The following OLFM1 variants were observed in gnomAD, a reference collection of about 807,000 sequenced individuals.
OLFM1 encodes noelin.
In OLFM1, 9 loss-of-function variants were observed where a neutral mutation model predicts 49.7. The observed-to-expected ratio is 0.18, with a 90% confidence interval of 0.11 to 0.32. The LOEUF is 0.32. OLFM1 is among the 10% of genes least tolerant of loss of function. OLFM1 has a pLI of 1.00. For missense variants in OLFM1, 369 were observed against 661.8 expected (o/e 0.56, Z 4.85); for synonymous variants, 240 against 271.8 (o/e 0.88, Z 1.15).
chr9:135,107,859 C>T (rs556796532), intron 5 of OLFM1, among the ~76,000 whole-genome samples: 1 of 152,218 alleles, frequency 6.6e-6, no homozygotes, highest in Non-Finnish European at 1.5e-5. Context: ...GCTCTCTCCC[C>T]TCTGATTTCT....
chr9:135,084,322 TTCTCTCTCTGTCTCTCATC>T (rs1321407084), upstream of OLFM1, among the ~76,000 whole-genome samples: 7 of 148,294 alleles, frequency 4.7e-5, no homozygotes, highest in East Asian at 1.9e-4. The surrounding 1 kb of genome is among the most constrained non-coding windows in gnomAD (Gnocchi z 4.6). Context: ...TCTCTCTCTC[TTCTCTCTCTGTCTCTCATC>T]TCTCTCTCTG....
At chr9:135,086,961 T>G (rs572732), upstream of OLFM1, among the ~76,000 whole-genome samples, 129,194 of 152,152 alleles carry the variant, frequency 0.85, 55,162 homozygotes, top group Middle Eastern at 0.89. Context: ...GCCCCAGACC[T>G]TATGCAGCTC....
At chr9:135,086,252 A>T (rs1830595014), upstream of OLFM1, among the ~76,000 whole-genome samples, 1 of 152,218 alleles carries the variant, frequency 6.6e-6, no homozygotes, top group African/African-American at 2.4e-5. Flanking sequence ...CCCTTCCCCA[A>T]CAGTTGGAAT....
chr9:135,090,260 G>A lies in OLFM1; in HGVS notation c.216G>A (p.Arg72=). ...VYSSAQDSEG[R]CICTVVAPQQ... is the part of the protein sequence containing the mutation. ...GCTCTGCCCAGGACAGCGAGGGCAG[G>A]TGTATCTGCACAGTGGTCGCTCCAC... The change falls in exon 2 of 6, where the codon AGG becomes AGA. Residue 72 remains arginine, a synonymous_variant. Transcript: ENST00000371793. 1.9e-6 allele frequency: 3 copies of A among 1,614,104 alleles called. No homozygotes were observed. The highest frequency in any genetic ancestry group is 2.5e-6 in the Non-Finnish European group (3 of 1,180,034).
intron 5 of OLFM1, among the ~76,000 whole-genome samples, chr9:135,107,439 G>C (rs996506654): frequency 6.6e-6 from 1 of 152,192 alleles, no homozygotes; most frequent in Admixed American, 6.5e-5. Context: ...GCCTTTATCT[G>C]GGGGGCTGGG....
intron 5 of OLFM1, among the ~76,000 whole-genome samples, chr9:135,112,375 C>G (rs1831035378): frequency 1.1e-5 from 1 of 94,664 alleles, no homozygotes; most frequent in South Asian, 2.8e-4. Flanking sequence ...CTCTGGTCTC[C>G]CCTTCCTATG....
At position 135,088,890 on chromosome 9, in the gene OLFM1, G is replaced by A. The variant is rs1022251597; in HGVS notation, c.150+751G>A. 6.6e-6 allele frequency among the ~76,000 whole-genome samples: 1 copy of A among 152,210 alleles called. No individual in the cohort carries two copies. The highest frequency in any genetic ancestry group is 2.4e-5 in the African/African-American group (1 of 41,456). Reference sequence around the variant, plus strand: ...GTCTCCCTCTCGAGCCTAGCGGGAGGGGAACCGTGGCCGGGGCTGCTTCTG... The same window carrying A: ...GTCTCCCTCTCGAGCCTAGCGGGAGAGGAACCGTGGCCGGGGCTGCTTCTG... On this transcript the variant is annotated intron_variant, in intron 1 of 5. Transcript: ENST00000371793. This position sits in a 1 kb window ranked among gnomAD's most constrained non-coding sequence, Gnocchi z 4.8.
At chr9:135,079,473 C>A (rs1830506894) in intron 1 of OLFM1, among the ~76,000 whole-genome samples, 1 of 152,140 alleles carries the variant, frequency 6.6e-6, no homozygotes, top group African/African-American at 2.4e-5. Context: ...GGCGTGGTGG[C>A]AGACGCCTAT....
chr9:135,086,269 G>T (rs932000846), upstream of OLFM1, among the ~76,000 whole-genome samples: 1 of 152,228 alleles, frequency 6.6e-6, no homozygotes, highest in Admixed American at 6.5e-5. Flanking sequence ...GAATTTCCTG[G>T]CATCCGACCC....
At chr9:135,090,775 A>G (rs660701) in intron 2 of OLFM1, among the ~76,000 whole-genome samples, 60,453 of 151,474 alleles carry the variant, frequency 0.4, 12,008 homozygotes, top group East Asian at 0.54. Flanking sequence ...GAGCGCCCAT[A>G]GGCCCAGGAA....
chr9:135,098,175 A>G lies in OLFM1; in HGVS notation c.457-111A>G, dbSNP rs908200481. 1.3e-5 allele frequency: 19 copies of G among 1,468,684 alleles called. No homozygotes were observed. The highest frequency in any genetic ancestry group is 1.4e-5 in the Non-Finnish European group (16 of 1,107,356). 91.0% of individuals were successfully genotyped at this position (1,468,684 alleles called of 1,614,324 possible). A position where few individuals can be genotyped will look rare whatever the true frequency, so the allele number is the denominator to read the frequency against. On this transcript the variant is annotated intron_variant, in intron 3 of 5. Coordinates refer to ENST00000371793, the MANE Select transcript of OLFM1 (RefSeq NM_001282611.2). This position sits in a 1 kb window ranked among gnomAD's most constrained non-coding sequence, Gnocchi z 5.6. The stretch of plus-strand genomic sequence containing the variant: ...TTGGACCAGAACAAATAAGCCTGTA[A>G]ATAAAGCGGGAATATACACACTTTC...
intron 2 of OLFM1, among the ~76,000 whole-genome samples, chr9:135,093,571 T>G (rs1322860224): frequency 6.6e-6 from 1 of 152,170 alleles, no homozygotes; most frequent in Non-Finnish European, 1.5e-5. Context: ...AGGCCAGGTG[T>G]GTCTTTGTGT....
chr9:135,075,945 G>A, intron 1 of OLFM1: 1 of 1,413,594 alleles, frequency 7.1e-7, no homozygotes, highest in African/African-American at 1.5e-5. Context: ...GTTGGGGAGG[G>A]GGCCAGGGCG....
At position 135,080,769 on chromosome 9, in the gene OLFM1, A is replaced by G. The variant is rs75709948; in HGVS notation, c.96+4967A>G. ...AAACTGAATTAGATACATGGCAACCACGAGCTAGGCTGACAGGGCGAGCAG... is the reference window on the plus strand; with the variant it reads ...AAACTGAATTAGATACATGGCAACCGCGAGCTAGGCTGACAGGGCGAGCAG... On this transcript the variant is annotated intron_variant, in intron 1 of 5. Coordinates refer to the OLFM1 transcript ENST00000252854. This position sits in a 1 kb window ranked among gnomAD's most constrained non-coding sequence, Gnocchi z 4.5. Among the ~76,000 whole-genome samples, 340 of 152,302 alleles carry G rather than the reference A, an allele frequency of 2.2e-3. 13 individuals are homozygous for G. The South Asian group carries it at 0.047, about 21-fold the overall frequency.
chr9:135,083,673 CAGTGGCTCA>C (rs1242164119), upstream of OLFM1, among the ~76,000 whole-genome samples: 2 of 152,216 alleles, frequency 1.3e-5, no homozygotes, highest in Admixed American at 1.3e-4. Flanking sequence ...ACCCCAAGCA[CAGTGGCTCA>C]TGATGGCAAC....
intron 1 of OLFM1, chr9:135,077,197 G>T: frequency 2.0e-6 from 3 of 1,532,660 alleles, no homozygotes; most frequent in Non-Finnish European, 2.6e-6. Context: ...GATACCTGCA[G>T]AGAAGAGCCA....
rs1358962539 is a variant in OLFM1, at chr9:135,088,213, CGGGCT to C, written c.150+79_150+83del. On this transcript the variant is annotated intron_variant, in intron 1 of 5. Coordinates refer to ENST00000371793, the MANE Select transcript of OLFM1 (RefSeq NM_001282611.2). This position sits in a 1 kb window ranked among gnomAD's most constrained non-coding sequence, Gnocchi z 4.8. ...CCTCCCCCTCCTCGGTCCGGAGCCC[CGGGCT>C]GGGCGGGCGCCGCGCGGGACCCGAG... The C allele has an allele frequency of 1.7e-6, 2 of 1,191,350 alleles. No individual in the cohort carries two copies. Among genetic ancestry groups the C allele is most frequent in the Non-Finnish European group, 2.1e-6 (2 of 952,726 alleles). The allele number at this position is 1,191,350 out of a possible 1,614,324, so 73.8% of individuals were successfully genotyped here. A position where few individuals can be genotyped will look rare whatever the true frequency, so the allele number is the denominator to read the frequency against.
intron 5 of OLFM1, among the ~76,000 whole-genome samples, chr9:135,110,500 C>T (rs998713129): frequency 1.3e-5 from 2 of 152,210 alleles, no homozygotes; most frequent in African/African-American, 2.4e-5. Flanking sequence ...ATCTAAACAG[C>T]GTCAAGGCCA....
upstream of OLFM1, chr9:135,086,420 C>G: frequency 2.8e-6 from 1 of 361,966 alleles, no homozygotes; most frequent in Admixed American, 3.6e-5. Flanking sequence ...ACTGCGCACA[C>G]AGAGAGAAAA....
Sources: gnomAD v4.1 joint callset for allele counts (sites outside exome capture counted in the v4.1 genomes callset) on GRCh38, gnomAD v4.1.1 for gene constraint, Gnocchi (gnomAD v3.1) non-coding constraint, MANE v1.5 for transcripts, NCBI Gene and HGNC (gene_info 2026-07-23, HGNC 2026-07-21) for gene names.